Variants in NMNAT1 observed in about 807,000 individuals in gnomAD.
NMNAT1 encodes the protein nicotinamide/nicotinic acid mononucleotide adenylyltransferase 1.
A neutral mutation model predicts 16.7 loss-of-function variants in NMNAT1; 11 were observed. The observed-to-expected ratio is 0.66, with a 90% CI of 0.41 to 1.09. The LOEUF (loss-of-function observed/expected upper bound fraction) is 1.09, where lower values mean the gene tolerates loss of function less well. Ranked by LOEUF, NMNAT1 falls within the 50% of genes least tolerant of loss-of-function variation. NMNAT1 has a pLI of 0.00. For missense variants in NMNAT1, 280 were observed against 332.3 expected (o/e 0.84, Z 1.22); for synonymous variants, 110 against 119.8 (o/e 0.92, Z 0.53).
intron 3 of NMNAT1, 30 bp from the exon 4 acceptor site, chr1:9,981,001 G>T (rs1641935416): frequency 3.8e-6 from 6 of 1,587,654 alleles, no homozygotes; most frequent in South Asian, 1.2e-5. Flanking sequence ...GTGAGAAAGA[G>T]AAATATTCTA....
intron 1 of NMNAT1, among the ~76,000 whole-genome samples, chr1:9,958,150 G>A (rs1641309131): frequency 1.3e-5 from 2 of 152,122 alleles, no homozygotes; most frequent in Non-Finnish European, 2.9e-5. Flanking sequence ...GAAAACATGG[G>A]GCAGGCTGCA....
chr1:9,975,744 A>T lies in NMNAT1; in HGVS notation c.268A>T (p.Lys90Ter). The T allele has an allele frequency of 6.2e-7, 1 of 1,613,860 alleles. No homozygotes were observed. The highest frequency in any genetic ancestry group is 8.5e-7 in the Non-Finnish European group (1 of 1,179,888). The part of the protein sequence containing the change: ...VEVDTWESLQ[K>*]EWKETLKVLR... The stretch of plus-strand genomic sequence containing the variant: ...AGTTGATACATGGGAAAGTCTTCAG[A>T]AGGAGTGGAAAGAGACTCTGAAGGT... Residue 90 changes from lysine (K) to a stop codon, truncating the protein, a stop_gained, in exon 3 of 5, where the codon AAG becomes TAG. Transcript: ENST00000377205. LOFTEE classifies it high-confidence loss of function.
Position 9,982,451 on chromosome 1 carries a change from T to C in NMNAT1, c.590T>C (p.Ile197Thr), listed in dbSNP as rs1641969438. ...TRAGNDAQKF[I>T]YESDVLWKHR... ...GCTGGAAATGATGCTCAGAAGTTTATCTATGAATCGGATGTGCTGTGGAAA... is the reference window on the plus strand; with the variant it reads ...GCTGGAAATGATGCTCAGAAGTTTACCTATGAATCGGATGTGCTGTGGAAA... Residue 197 changes from isoleucine (I) to threonine (T), a missense_variant, in exon 5 of 5, where the codon ATC (isoleucine) becomes ACC (threonine). Ile to Thr is a moderately conservative substitution (Grantham distance 89). Coordinates refer to ENST00000377205, the MANE Select transcript of NMNAT1 (RefSeq NM_022787.4). 6.8e-6 allele frequency: 11 copies of C among 1,613,996 alleles called. No homozygotes were observed. The highest frequency in any genetic ancestry group is 9.3e-6 in the Non-Finnish European group (11 of 1,180,032).
chr1:9,971,985 C>T, intron 1 of NMNAT1, 33 bp from the exon 2 acceptor site: 1 of 766,508 alleles, frequency 1.3e-6, no homozygotes, highest in Non-Finnish European at 2.3e-6. Flanking sequence ...AAAAAAAATG[C>T]ATAACTGAAT....
intron 2 of NMNAT1, among the ~76,000 whole-genome samples, chr1:9,973,307 G>A (rs543023074): frequency 3.9e-5 from 6 of 152,048 alleles, no homozygotes; most frequent in East Asian, 1.9e-4. Context: ...TAGTAGCGAC[G>A]GGGTTTCTCC....
downstream of NMNAT1, among the ~76,000 whole-genome samples, chr1:9,987,800 C>A (rs1309103055): frequency 6.6e-6 from 1 of 151,972 alleles, no homozygotes; most frequent in African/African-American, 2.4e-5. Context: ...TGCACTCCAG[C>A]CTGTGTAGCT....
At chr1:9,991,521 A>C in the NMNAT1 span, among the ~76,000 whole-genome samples, 7 of 152,150 alleles carry the variant, frequency 4.6e-5, no homozygotes, top group Non-Finnish European at 7.4e-5. Context: ...CATTATGGGC[A>C]AGGTGATGTC....
intron 1 of NMNAT1, among the ~76,000 whole-genome samples, chr1:9,963,722 T>C (rs1457118354): frequency 6.6e-6 from 1 of 151,664 alleles, no homozygotes; most frequent in African/African-American, 2.4e-5. Context: ...TATTTCTTTT[T>C]TGAGATGTTT....
intron 1 of NMNAT1, among the ~76,000 whole-genome samples, chr1:9,944,154 T>A (rs1157727471): frequency 6.6e-6 from 1 of 152,006 alleles, no homozygotes; most frequent in Admixed American, 6.6e-5. Flanking sequence ...CTCGGGAGGC[T>A]GAGGCAGGAG....
At chr1:9,977,237 G>C (rs1244512428) in intron 3 of NMNAT1, among the ~76,000 whole-genome samples, 1 of 151,804 alleles carries the variant, frequency 6.6e-6, no homozygotes, top group South Asian at 2.1e-4. Flanking sequence ...ATGTTATTTT[G>C]ATTTTTTTAA....
intron 1 of NMNAT1, among the ~76,000 whole-genome samples, chr1:9,944,860 A>G (rs547936646): frequency 9.2e-5 from 14 of 152,360 alleles, no homozygotes; most frequent in Admixed American, 7.9e-4. Flanking sequence ...AGCCCACCTT[A>G]GAGAAGACTG....
downstream of NMNAT1, among the ~76,000 whole-genome samples, chr1:9,989,717 G>A (rs1642086445): frequency 6.6e-6 from 1 of 152,074 alleles, no homozygotes; most frequent in African/African-American, 2.4e-5. Flanking sequence ...CAATTCATTT[G>A]TGCTACCTCA....
At chr1:9,944,328 G>A (rs771375488) in intron 1 of NMNAT1, among the ~76,000 whole-genome samples, 31 of 152,078 alleles carry the variant, frequency 2.0e-4, no homozygotes, top group South Asian at 6.2e-4. Context: ...TTGAGAGCCC[G>A]CGGTGGGAGG....
At chr1:9,986,499 A>G (rs1642047413), downstream of NMNAT1, among the ~76,000 whole-genome samples, 1 of 152,296 alleles carries the variant, frequency 6.6e-6, no homozygotes, top group African/African-American at 2.4e-5. Context: ...TGGAAGGCCA[A>G]GGTGGAAGGA....
intron 1 of NMNAT1, among the ~76,000 whole-genome samples, chr1:9,945,973 C>T (rs912635435): frequency 6.6e-6 from 1 of 152,082 alleles, no homozygotes; most frequent in Non-Finnish European, 1.5e-5. Flanking sequence ...AGGCTGGTTT[C>T]AAACTCCTGG....
chr1:9,978,597 C>T lies in NMNAT1; in HGVS notation c.300-2434C>T, dbSNP rs141250336. 3.2e-3 allele frequency among the ~76,000 whole-genome samples: 484 copies of T among 152,270 alleles called. 1 individual carries two copies. Among genetic ancestry groups the T allele is most frequent in the African/African-American group, 0.011 (467 of 41,566 alleles). On this transcript the variant is annotated intron_variant, in intron 3 of 4. Transcript: ENST00000377205. ...TCAGACTTGGCAGGGAGAAGAGTCT[C>T]CACTGCTTGATGGCAAAAAATTCTC...
At chr1:9,989,764 A>T (rs1239841238), downstream of NMNAT1, among the ~76,000 whole-genome samples, 1 of 152,190 alleles carries the variant, frequency 6.6e-6, no homozygotes, top group Non-Finnish European at 1.5e-5. Flanking sequence ...TGGGTACCAC[A>T]AGTGCGGGTA....
In NMNAT1 at chr1:9,968,703, G is replaced by A. The variant is rs1242102890; in HGVS notation, c.-56-3315G>A. ...GGAGAATGGCATGAACCCAGTAGGC[G>A]GAGCTTGCAGTGAGTCGAGATCATG... On this transcript the variant is annotated intron_variant, in intron 1 of 4. Coordinates refer to ENST00000377205, the MANE Select transcript of NMNAT1 (RefSeq NM_022787.4). 2.7e-5 allele frequency among the ~76,000 whole-genome samples: 4 copies of A among 148,180 alleles called. No individual in the cohort carries two copies. In the East Asian group the frequency reaches 6.0e-4, roughly 22 times the overall value.
intron 1 of NMNAT1, among the ~76,000 whole-genome samples, chr1:9,950,174 T>C (rs748876089): frequency 4.6e-5 from 7 of 152,120 alleles, no homozygotes; most frequent in Non-Finnish European, 8.8e-5. Flanking sequence ...CACTACAACC[T>C]CTGCCTCCCG....
Sources: gnomAD v4.1 joint callset for allele counts (sites outside exome capture counted in the v4.1 genomes callset) on GRCh38, gnomAD v4.1.1 for gene constraint, MANE v1.5 for transcripts, NCBI Gene and HGNC (gene_info 2026-07-23, HGNC 2026-07-21) for gene names.